CACNA1C: variants seen among roughly 807,000 people sequenced by gnomAD.
The protein encoded by CACNA1C is voltage-dependent L-type calcium channel subunit alpha-1C.
A neutral mutation model predicts 229.0 loss-of-function variants in CACNA1C; 30 were observed. The ratio of observed to expected loss-of-function variants is 0.13; its 90% CI spans 0.10 to 0.18. CACNA1C has a LOEUF of 0.18. Among genes scored for constraint, CACNA1C ranks in the 10% least tolerant of loss-of-function variants. CACNA1C has a pLI of 1.00. For synonymous variants in CACNA1C, 1,114 were observed against 1,132.5 expected (o/e 0.98, Z 0.33); for missense variants, 1,658 against 2,845.0 (o/e 0.58, Z 9.49).
intron 34 of CACNA1C, among the ~76,000 whole-genome samples, chr12:2,659,747 C>T (rs2095608558): frequency 6.6e-6 from 1 of 151,206 alleles, no homozygotes; most frequent in African/African-American, 2.4e-5. Context: ...ATCAATAAAC[C>T]CTAAAGCTGA....
chr12:2,616,074 C>A (rs1411116054), intron 29 of CACNA1C, among the ~76,000 whole-genome samples: 1 of 152,172 alleles, frequency 6.6e-6, no homozygotes, highest in Non-Finnish European at 1.5e-5. Flanking sequence ...CTGGAAGGGC[C>A]TTGACCCTGG....
chr12:2,513,947 C>T (rs777252079), intron 9 of CACNA1C, among the ~76,000 whole-genome samples: 4 of 152,172 alleles, frequency 2.6e-5, no homozygotes, highest in Non-Finnish European at 4.4e-5. Context: ...CTCTGTGACT[C>T]GAATCATACT....
At chr12:2,093,317 C>T (rs914276111) in intron 1 of CACNA1C, among the ~76,000 whole-genome samples, 1 of 152,174 alleles carries the variant, frequency 6.6e-6, no homozygotes, top group African/African-American at 2.4e-5. Flanking sequence ...ACCAGTGGAG[C>T]CCCTGGTAGG....
intron 4 of CACNA1C, among the ~76,000 whole-genome samples, chr12:2,455,976 C>A (rs1408763264): frequency 6.6e-6 from 1 of 152,188 alleles, no homozygotes; most frequent in Non-Finnish European, 1.5e-5. Context: ...ATGAACTATA[C>A]AACTGCTGCG....
chr12:1,993,437 T>C (rs1042178025), intron 1 of CACNA1C: 1 of 1,589,626 alleles, frequency 6.3e-7, no homozygotes, highest in Non-Finnish European at 8.6e-7. Context: ...ACAAATTGCT[T>C]AGTATGCTAT....
intron 3 of CACNA1C, among the ~76,000 whole-genome samples, chr12:2,266,405 A>G (rs1269534465): frequency 2.0e-5 from 3 of 152,246 alleles, no homozygotes; most frequent in African/African-American, 7.2e-5. Flanking sequence ...GCAACCTCCA[A>G]CACCTGTTCT....
rs535404269 is a variant in CACNA1C at position 2,119,919 on chromosome 12, G to A, written c.372-406G>A. On this transcript the variant is annotated intron_variant, in intron 2 of 46. Coordinates refer to ENST00000399655, the MANE Select transcript of CACNA1C (RefSeq NM_000719.7). ...GAATCCTGTTCCACCCATGTCCCCC[G>A]TTCCAGGTGGGCGTGGGCCCACAGG... 3.3e-5 allele frequency among the ~76,000 whole-genome samples: 5 copies of A among 152,362 alleles called. No homozygotes were observed. The South Asian group carries it at 8.3e-4, about 25-fold the overall frequency.
intron 34 of CACNA1C, 116 bp downstream of exon 34, chr12:2,655,354 G>A (rs1603375884): frequency 1.6e-6 from 1 of 640,556 alleles, no homozygotes; most frequent in Non-Finnish European, 2.7e-6. Flanking sequence ...GGGAGAGGAT[G>A]TGTTGCTTGC....
intron 39 of CACNA1C, 173 bp from the exon 40 acceptor site, chr12:2,676,920 AC>A: frequency 1.8e-6 from 1 of 548,976 alleles, no homozygotes; most frequent in South Asian, 2.2e-5. Flanking sequence ...GAGACTTTTG[AC>A]CATAAGCCTT....
Position 2,346,400 on chromosome 12 carries a change from CTG to C in CACNA1C, c.478-102572_478-102571del, listed in dbSNP as rs1394363465. 3.9e-5 allele frequency among the ~76,000 whole-genome samples: 6 copies of C among 152,298 alleles called. No individual in the cohort carries two copies. Among genetic ancestry groups the C allele is most frequent in the African/African-American group, 7.2e-5 (3 of 41,562 alleles). Reference sequence around the variant, plus strand: ...TGTCTATGTCTGTGTTTGGGCAAGACTGTGTTCCACCCCCTTCCCCAGGCTTG... The same window carrying C: ...TGTCTATGTCTGTGTTTGGGCAAGACTGTTCCACCCCCTTCCCCAGGCTTG... On this transcript the variant is annotated intron_variant, in intron 3 of 46. Coordinates refer to ENST00000399655, the MANE Select transcript of CACNA1C (RefSeq NM_000719.7). This position sits in a 1 kb window ranked among gnomAD's most constrained non-coding sequence, Gnocchi z 4.4.
intron 1 of CACNA1C, among the ~76,000 whole-genome samples, chr12:2,004,905 G>A (rs2043093793): frequency 6.6e-6 from 1 of 152,018 alleles, no homozygotes; most frequent in East Asian, 1.9e-4. Flanking sequence ...TCAAAGTGTG[G>A]TGTGGTCCTG....
At chr12:2,146,142 C>T (rs919919468) in intron 3 of CACNA1C, among the ~76,000 whole-genome samples, 1 of 151,248 alleles carries the variant, frequency 6.6e-6, no homozygotes, top group Non-Finnish European at 1.5e-5. Flanking sequence ...TATCACCCCT[C>T]TTCCCTGTCA....
At chr12:2,526,277 C>T (rs1357564188) in intron 9 of CACNA1C, among the ~76,000 whole-genome samples, 1 of 152,230 alleles carries the variant, frequency 6.6e-6, no homozygotes, top group Non-Finnish European at 1.5e-5. Flanking sequence ...GAACCACACC[C>T]TACCCCATGT....
intron 29 of CACNA1C, among the ~76,000 whole-genome samples, chr12:2,628,959 G>C (rs2088812988): frequency 6.6e-6 from 1 of 152,162 alleles, no homozygotes; most frequent in Non-Finnish European, 1.5e-5. Context: ...TATTCCTGAG[G>C]AGGCCGGATA....
In CACNA1C at chr12:2,582,962, C is replaced by T. The variant is rs777194958; in HGVS notation, c.2224+20C>T. The T allele has an allele frequency of 1.3e-6, 2 of 1,538,220 alleles. No homozygotes were observed. Among genetic ancestry groups the T allele is most frequent in the Non-Finnish European group, 1.8e-6 (2 of 1,136,490 alleles). ...GAAACTGTATCCTTTGCTGCTGCCC[C>T]CCACCCCTGCGGCCCCCAGCCCCCA... On this transcript the variant is annotated intron_variant, in intron 15 of 46. Coordinates refer to ENST00000399655, the MANE Select transcript of CACNA1C (RefSeq NM_000719.7).
chr12:2,383,285 C>T (rs533983321), intron 3 of CACNA1C, among the ~76,000 whole-genome samples: 2 of 152,230 alleles, frequency 1.3e-5, no homozygotes, highest in South Asian at 2.1e-4. Context: ...GAGACTAAAG[C>T]GGGTTGTCTC....
At chr12:2,584,364 T>C in intron 15 of CACNA1C, 139 bp from the exon 16 acceptor site, 1 of 628,284 alleles carries the variant, frequency 1.6e-6, no homozygotes, top group Non-Finnish European at 2.9e-6. Flanking sequence ...ACTGTTGGGG[T>C]CTGACTCCCT....
At chr12:2,591,678 G>A (rs2065397447) in intron 18 of CACNA1C, among the ~76,000 whole-genome samples, 1 of 152,242 alleles carries the variant, frequency 6.6e-6, no homozygotes, top group Admixed American at 6.5e-5. Context: ...GGAGCACACA[G>A]TGAGCTTGTC....
At chr12:2,235,178 A>G (rs1407438562) in intron 3 of CACNA1C, among the ~76,000 whole-genome samples, 4 of 152,200 alleles carry the variant, frequency 2.6e-5, no homozygotes, top group Non-Finnish European at 4.4e-5. Flanking sequence ...ATACCTGGAG[A>G]GTAAACACTG....
Sources: gnomAD v4.1 joint callset for allele counts (sites outside exome capture counted in the v4.1 genomes callset) on GRCh38, gnomAD v4.1.1 for gene constraint, Gnocchi (gnomAD v3.1) non-coding constraint, MANE v1.5 for transcripts, NCBI Gene and HGNC (gene_info 2026-07-23, HGNC 2026-07-21) for gene names.